The following ANKRD6 variants were observed in gnomAD, a reference collection of about 807,000 sequenced individuals.
The protein encoded by ANKRD6 is ankyrin repeat domain 6.
In ANKRD6, 56 loss-of-function variants were observed where a neutral mutation model predicts 82.3. The observed-to-expected ratio is 0.68, with a 90% CI of 0.55 to 0.85. ANKRD6 has a LOEUF of 0.85. Ranked by LOEUF, ANKRD6 falls within the 40% of genes least tolerant of loss-of-function variation. The pLI is 0.00. For synonymous variants in ANKRD6, 347 were observed against 352.1 expected (o/e 0.99, Z 0.16); for missense variants, 852 against 907.6 (o/e 0.94, Z 0.79).
intron 1 of ANKRD6, among the ~76,000 whole-genome samples, chr6:89,467,700 A>G (rs187360686): frequency 1.1e-3 from 171 of 152,302 alleles, no homozygotes; most frequent in African/African-American, 4.0e-3. Context: ...AGCAGTTCCA[A>G]AAGATTTATG....
chr6:89,598,924 A>G (rs1208496440), intron 3 of ANKRD6, among the ~76,000 whole-genome samples: 1 of 152,194 alleles, frequency 6.6e-6, no homozygotes, highest in Non-Finnish European at 1.5e-5. Context: ...CCTAAGGTTA[A>G]TGACTTCACA....
intron 1 of ANKRD6, among the ~76,000 whole-genome samples, chr6:89,456,357 A>G (rs369439199): frequency 1.3e-5 from 2 of 152,202 alleles, no homozygotes; most frequent in African/African-American, 4.8e-5. Flanking sequence ...ACTGGGTGAC[A>G]TAAACAATAG....
At chr6:89,468,191 A>G (rs749722874) in intron 1 of ANKRD6, among the ~76,000 whole-genome samples, 2 of 152,326 alleles carry the variant, frequency 1.3e-5, no homozygotes, top group Admixed American at 6.5e-5. Context: ...CAGAGAGTCT[A>G]AAAATTCACA....
intron 4 of ANKRD6, among the ~76,000 whole-genome samples, chr6:89,604,892 C>A (rs1798134613): frequency 6.6e-6 from 1 of 152,128 alleles, no homozygotes; most frequent in Non-Finnish European, 1.5e-5. Context: ...GAAGCCAGAG[C>A]CTGGATGTAA....
At chr6:89,630,329 G>T in intron 15 of ANKRD6, 104 bp from the exon 16 acceptor site, 3 of 1,348,646 alleles carry the variant, frequency 2.2e-6, no homozygotes, top group Non-Finnish European at 3.0e-6. Context: ...GATGGAGAAG[G>T]CTGGTGATAT....
chr6:89,468,067 A>G (rs1775044771), intron 1 of ANKRD6, among the ~76,000 whole-genome samples: 1 of 152,208 alleles, frequency 6.6e-6, no homozygotes, highest in East Asian at 1.9e-4. Flanking sequence ...GATAGCAGAA[A>G]GTCTTCCAGA....
intron 1 of ANKRD6, among the ~76,000 whole-genome samples, chr6:89,490,654 A>G (rs1224811473): frequency 6.6e-6 from 1 of 152,196 alleles, no homozygotes; most frequent in Non-Finnish European, 1.5e-5. Context: ...CCTGCTCCGG[A>G]GGCCCTGCTC....
chr6:89,541,758 T>C (rs1784474127), intron 1 of ANKRD6, among the ~76,000 whole-genome samples: 1 of 151,770 alleles, frequency 6.6e-6, no homozygotes, highest in African/African-American at 2.4e-5. Context: ...GCAACATTAC[T>C]GTACTTGTTT....
At position 89,482,192 on chromosome 6, in the gene ANKRD6, A is replaced by G. The variant is rs548856082; in HGVS notation, c.-144+48817A>G. On this transcript the variant is annotated intron_variant, in intron 1 of 15. Transcript: ENST00000339746. ...TCACTATAAAACACTTTGTAAATGTAAGTGCTGTAAGTGGCCCAAATTATA... is the reference window on the plus strand; with the variant it reads ...TCACTATAAAACACTTTGTAAATGTGAGTGCTGTAAGTGGCCCAAATTATA... Among the ~76,000 whole-genome samples, 5 of 152,352 alleles carry G rather than the reference A, an allele frequency of 3.3e-5. No individual in the cohort carries two copies. The South Asian group carries it at 8.3e-4, about 25-fold the overall frequency.
chr6:89,490,949 G>A (rs918294630), intron 1 of ANKRD6, among the ~76,000 whole-genome samples: 1 of 152,138 alleles, frequency 6.6e-6, no homozygotes, highest in African/African-American at 2.4e-5. Context: ...GATCGTTTGG[G>A]TGAGCCCTAA....
intron 2 of ANKRD6, among the ~76,000 whole-genome samples, chr6:89,584,636 T>C (rs543792093): frequency 1.2e-3 from 190 of 152,328 alleles, no homozygotes; most frequent in African/African-American, 4.3e-3. Context: ...AGTGAATTTA[T>C]TGAGCAATGT....
Position 89,603,045 on chromosome 6 carries a change from T to C in ANKRD6, c.236T>C (p.Leu79Ser), listed in dbSNP as rs1449502475. 1 of 1,606,472 alleles carries C rather than the reference T, an allele frequency of 6.2e-7. No homozygotes were observed. The change falls in exon 4 of 16, where the codon TTG (leucine) becomes TCG (serine). Residue 79 changes from leucine to serine, a missense_variant. Transcript: ENST00000339746. ...ACTTTGCAGGGGGACCAGACCGCCT[T>C]GCACCGGGCCACAGTGGTGGGGAAC... ...DVQDDGDQTA[L>S]HRATVVGNTE...
chr6:89,538,040 C>T (rs545496978), intron 1 of ANKRD6, among the ~76,000 whole-genome samples: 1 of 152,248 alleles, frequency 6.6e-6, no homozygotes, highest in South Asian at 2.1e-4. Flanking sequence ...TAAATGCACT[C>T]TTCTAAAAAA....
At position 89,612,273 on chromosome 6, in the gene ANKRD6, CG is replaced by C. The variant is rs1563064010; in HGVS notation, c.423del (p.Asn142ThrfsTer76). On this transcript the variant is annotated frameshift_variant and splice_region_variant, in exon 6 of 16. Transcript: ENST00000339746. LOFTEE classifies it high-confidence loss of function. ...TCCCTCTCTCTGCCTCTCTCCAAGG[CG>C]GGGAACACAGCTCTGCACCTGGCCT... ...AGANVLAKNK[A>X]GNTALHLACQ... is the part of the protein sequence containing the mutation. 6.4e-7 allele frequency: 1 copy of C among 1,556,372 alleles called. No individual in the cohort carries two copies. The highest frequency in any genetic ancestry group is 8.7e-7 in the Non-Finnish European group (1 of 1,149,406).
At chr6:89,612,788 C>T (rs4706346) in intron 6 of ANKRD6, among the ~76,000 whole-genome samples, 129,203 of 152,264 alleles carry the variant, frequency 0.85, 54,897 homozygotes, top group East Asian at 1. Flanking sequence ...GCATCTATAG[C>T]GAGCAGGTCC....
At position 89,607,675 on chromosome 6, in the gene ANKRD6, A is replaced by T. The variant is rs569608063; in HGVS notation, c.417+1570A>T. 3.3e-3 allele frequency among the ~76,000 whole-genome samples: 331 copies of T among 100,976 alleles called. 2 individuals carry two copies. Among genetic ancestry groups the T allele is most frequent in the African/African-American group, 0.011 (311 of 28,158 alleles). The allele number at this position is 100,976 out of a possible 152,430, so 66.2% of individuals were successfully genotyped here. On this transcript the variant is annotated intron_variant, in intron 5 of 15. Coordinates refer to ENST00000339746, the MANE Select transcript of ANKRD6 (RefSeq NM_001242809.2). ...AGAGACTTTTTTTTTTTTTTTTTGG[A>T]TACAGAATCTCGTTCTGTCACCCAG... is the stretch of plus-strand genomic sequence containing the variant.
chr6:89,544,190 A>G (rs993902937), intron 1 of ANKRD6, among the ~76,000 whole-genome samples: 19 of 152,260 alleles, frequency 1.2e-4, no homozygotes, highest in Admixed American at 1.0e-3. Context: ...TGACCTCCTC[A>G]ATATTCTGCC....
At chr6:89,492,671 T>C (rs1245942987) in intron 1 of ANKRD6, among the ~76,000 whole-genome samples, 6 of 152,260 alleles carry the variant, frequency 3.9e-5, no homozygotes, top group Non-Finnish European at 7.3e-5. Flanking sequence ...TACTCATTCC[T>C]GTGAGGTGTA....
chr6:89,498,055 A>G (rs1582928895), intron 1 of ANKRD6, among the ~76,000 whole-genome samples: 1 of 152,332 alleles, frequency 6.6e-6, no homozygotes, highest in Non-Finnish European at 1.5e-5. Context: ...TATCAGTTCC[A>G]GAGGGATTTA....
Sources: gnomAD v4.1 joint callset for allele counts (sites outside exome capture counted in the v4.1 genomes callset) on GRCh38, gnomAD v4.1.1 for gene constraint, MANE v1.5 for transcripts, NCBI Gene and HGNC (gene_info 2026-07-23, HGNC 2026-07-21) for gene names.